The following PGR variants were observed in gnomAD, a reference collection of about 807,000 sequenced individuals.
PGR encodes the protein nuclear receptor subfamily 3 group C member 3.
PGR carries 25 observed loss-of-function variants against 76.1 expected under a neutral mutation model. The observed-to-expected ratio is 0.33, with a 90% CI of 0.24 to 0.46. The LOEUF is 0.46. Ranked by LOEUF, PGR falls within the 20% of genes least tolerant of loss-of-function variation. The probability of loss-of-function intolerance (pLI) is 1.00; values close to 1 mark genes in which losing one functional copy is unlikely to be tolerated. For missense variants in PGR, 1,172 were observed against 1,225.3 expected (o/e 0.96, Z 0.65); for synonymous variants, 579 against 535.0 (o/e 1.08, Z -1.14).
intron 3 of PGR, among the ~76,000 whole-genome samples, chr11:101,074,992 C>T (rs183178367): frequency 1.2e-4 from 19 of 152,178 alleles, no homozygotes; most frequent in African/African-American, 4.6e-4. Flanking sequence ...TCCTATGGAA[C>T]CAAAAAAGAG....
intron 2 of PGR, among the ~76,000 whole-genome samples, chr11:101,108,248 T>TAAAAAAAAAAAAA (rs550121348): frequency 1.7e-5 from 2 of 115,418 alleles, no homozygotes; most frequent in Admixed American, 9.4e-5. Flanking sequence ...AGACTCCGTC[T>TAAAAAAAAAAAAA]AAAAAAAAAA....
intron 2 of PGR, among the ~76,000 whole-genome samples, chr11:101,093,296 T>C (rs1296083308): frequency 6.6e-6 from 1 of 150,968 alleles, no homozygotes; most frequent in Non-Finnish European, 1.5e-5. Flanking sequence ...GCATACTACT[T>C]TCTGATTTGA....
At chr11:101,045,623 GAC>G (rs1482698409) in intron 6 of PGR, among the ~76,000 whole-genome samples, 16 of 151,956 alleles carry the variant, frequency 1.1e-4, no homozygotes, top group Admixed American at 1.1e-3. Context: ...TGCTGCAAAA[GAC>G]ACACTTTCAT....
chr11:101,126,011 C>T lies in PGR; in HGVS notation c.1785G>A (p.Met595Ile). 1 of 1,613,766 alleles carries T rather than the reference C, an allele frequency of 6.2e-7. No individual in the cohort carries two copies. The highest frequency in any genetic ancestry group is 2.2e-5 in the East Asian group (1 of 44,856). Residue 595 changes from methionine (M) to isoleucine (I), a missense_variant, in exon 2 of 8, where the codon ATG becomes ATA. Met to Ile is a conservative substitution (Grantham distance 10). This residue lies in a region of PGR where 40 missense variants were observed against 82.7 expected (regional missense o/e 0.48). Transcript: ENST00000325455. The part of the protein sequence containing the change: ...GSCKVFFKRA[M>I]EGQHNYLCAG... ...GATCAGGGGAAAGGAGCCTACCTTC[C>T]ATTGCCCTCTTAAAGAAGACCTTAC...
rs923081643 is a variant in PGR at position 101,031,669 on chromosome 11, C to T, written c.*7447G>A. On this transcript the variant is annotated 3_prime_UTR_variant, in exon 8 of 8. Transcript: ENST00000325455. ...GCATCTGATTATTTGATCATGACAT[C>T]ATTATTTGTATACAATGCAGCAAGA... 4.6e-6 allele frequency: 1 copy of T among 216,786 alleles called. No individual in the cohort carries two copies. The highest frequency in any genetic ancestry group is 2.3e-5 in the African/African-American group (1 of 43,926). 13.4% of individuals were successfully genotyped at this position (216,786 alleles called of 1,614,324 possible). A position where few individuals can be genotyped will look rare whatever the true frequency, so the allele number is the denominator to read the frequency against.
chr11:101,062,663 T>A lies in PGR; in HGVS notation c.1996A>T (p.Ser666Cys). 6.2e-7 allele frequency: 1 copy of A among 1,614,022 alleles called. No homozygotes were observed. The change falls in exon 4 of 8, where the codon AGC becomes TGC. Residue 666 changes from serine (S) to cysteine (C), a missense_variant. Around this residue, in one of 4 missense-constraint regions of PGR, gnomAD observed 73 missense variants for 60.7 expected, o/e 1.20. Transcript: ENST00000325455. ...LPQPVGVPNE[S>C]QALSQRFTFS... ...GTGAATCTCTGGCTTAGGGCTTGGC[T>A]TTCATTTGGAACGCCCACTGGCTGT...
At chr11:101,062,826 T>A in intron 3 of PGR, 74 bp from the exon 4 acceptor site, 2 of 1,042,300 alleles carry the variant, frequency 1.9e-6, no homozygotes, top group Non-Finnish European at 2.8e-6. Flanking sequence ...TTATTTTTCC[T>A]AAGTCTTAGA....
At chr11:101,053,321 T>C (rs1208136865) in intron 4 of PGR, among the ~76,000 whole-genome samples, 1 of 152,100 alleles carries the variant, frequency 6.6e-6, no homozygotes, top group Non-Finnish European at 1.5e-5. Context: ...CTTCATACAC[T>C]TCAGATCGTC....
intron 2 of PGR, among the ~76,000 whole-genome samples, chr11:101,094,932 C>T (rs1861790883): frequency 6.6e-6 from 1 of 152,088 alleles, no homozygotes; most frequent in African/African-American, 2.4e-5. Context: ...ATCCTTTCTG[C>T]CATGTGAGGA....
rs750801185 is a variant in PGR, at chr11:101,128,174, C to A, written c.897G>T (p.Thr299=). ...TAGGCACGTGGATGAAATCCATCAC[C>A]GTGGTGGCCAGCGGGGAGCGCCCGG... ...MAPGRSPLAT[T]VMDFIHVPIL... is the part of the protein sequence containing the mutation. The change falls in exon 1 of 8, where the codon ACG becomes ACT. Residue 299 remains threonine, a synonymous_variant. Transcript: ENST00000325455. 8.1e-6 allele frequency: 13 copies of A among 1,597,746 alleles called. No individual in the cohort carries two copies. The highest frequency in any genetic ancestry group is 7.7e-5 in the South Asian group (7 of 91,048).
chr11:101,100,953 G>A (rs1861979481), intron 2 of PGR, among the ~76,000 whole-genome samples: 2 of 152,090 alleles, frequency 1.3e-5, no homozygotes, highest in South Asian at 4.1e-4. Flanking sequence ...TATTTTCTAG[G>A]TCTCTTCACT....
chr11:101,047,541 G>T (rs573784999), intron 6 of PGR, among the ~76,000 whole-genome samples: 1 of 152,196 alleles, frequency 6.6e-6, no homozygotes, highest in African/African-American at 2.4e-5. Context: ...AATTCTATGA[G>T]GAAGCCTTCC....
At chr11:101,097,776 C>T (rs1861878666) in intron 2 of PGR, among the ~76,000 whole-genome samples, 1 of 138,182 alleles carries the variant, frequency 7.2e-6, no homozygotes, top group Non-Finnish European at 1.5e-5. Flanking sequence ...CCAAGTGTTA[C>T]TCTTTTTTTT....
intron 4 of PGR, among the ~76,000 whole-genome samples, chr11:101,059,591 T>C (rs1860409297): frequency 6.6e-6 from 1 of 151,944 alleles, no homozygotes; most frequent in Non-Finnish European, 1.5e-5. Context: ...TCCAGCACTT[T>C]GGGAGGCTGA....
intron 2 of PGR, among the ~76,000 whole-genome samples, chr11:101,119,096 G>T (rs1862595673): frequency 6.6e-6 from 1 of 152,090 alleles, no homozygotes; most frequent in South Asian, 2.1e-4. Flanking sequence ...TCACAATAGG[G>T]TTCTCACTCT....
Position 101,128,617 on chromosome 11 carries a change from G to A in PGR, c.454C>T (p.Pro152Ser), listed in dbSNP as rs1565374422. The change falls in exon 1 of 8, where the codon CCG becomes TCG. Residue 152 changes from proline (P) to serine (S), a missense_variant. Coordinates refer to ENST00000325455, the MANE Select transcript of PGR (RefSeq NM_000926.4). ...ACCCGCTGGGTGGCGGGGGCAGCCG[G>A]TGGATCTTCGGGAAGTTCGGGGCCA... ...LFGPELPEDP[P>S]AAPATQRVLS... 6.3e-7 allele frequency: 1 copy of A among 1,589,528 alleles called. No individual in the cohort carries two copies. The highest frequency in any genetic ancestry group is 8.5e-7 in the Non-Finnish European group (1 of 1,170,112).
chr11:101,038,026 G>A lies in PGR; in HGVS notation c.*1090C>T, dbSNP rs1859568183. On this transcript the variant is annotated 3_prime_UTR_variant, in exon 8 of 8. Transcript: ENST00000325455. ...CAGAAATGACATTTGGCTGAGTCTC[G>A]AAGGTTGAAACATGCATGGAATTTG... 1 of 207,896 alleles carries A rather than the reference G, an allele frequency of 4.8e-6. No homozygotes were observed. Among genetic ancestry groups the A allele is most frequent in the Non-Finnish European group, 9.8e-6 (1 of 101,902 alleles). 12.9% of individuals were successfully genotyped at this position (207,896 alleles called of 1,614,324 possible). A position where few individuals can be genotyped will look rare whatever the true frequency, so the allele number is the denominator to read the frequency against.
chr11:101,060,696 G>A (rs1363639911), intron 4 of PGR, among the ~76,000 whole-genome samples: 1 of 152,050 alleles, frequency 6.6e-6, no homozygotes, highest in Admixed American at 6.6e-5. Flanking sequence ...AAAGTCCACA[G>A]GCCACAAGAG....
chr11:101,089,256 T>A (rs560535525), intron 3 of PGR, among the ~76,000 whole-genome samples: 1 of 152,314 alleles, frequency 6.6e-6, no homozygotes, highest in Admixed American at 6.5e-5. Context: ...GTTTAACACA[T>A]AATCATTTAT....
Sources: gnomAD v4.1 joint callset for allele counts (sites outside exome capture counted in the v4.1 genomes callset) on GRCh38, gnomAD v4.1.1 for gene constraint, gnomAD v4.1.1 regional missense constraint, MANE v1.5 for transcripts, NCBI Gene and HGNC (gene_info 2026-07-23, HGNC 2026-07-21) for gene names.